The following CACNA2D1 variants were observed in gnomAD, a reference collection of about 807,000 sequenced individuals.
CACNA2D1 encodes voltage-dependent calcium channel subunit alpha-2/delta-1.
Under a neutral mutation model 171.5 loss-of-function variants are expected in CACNA2D1, and 53 were observed. The observed-to-expected ratio is 0.31, with a 90% confidence interval of 0.25 to 0.39. The LOEUF is 0.39. Among genes scored for constraint, CACNA2D1 ranks in the 10% least tolerant of loss-of-function variants. The pLI is 1.00. For missense variants in CACNA2D1, 903 were observed against 1,299.8 expected (o/e 0.69, Z 4.69); for synonymous variants, 442 against 443.1 (o/e 1.00, Z 0.03).
chr7:82,001,126 A>C (rs1798567657), intron 18 of CACNA2D1, among the ~76,000 whole-genome samples: 1 of 152,066 alleles, frequency 6.6e-6, no homozygotes, highest in Non-Finnish European at 1.5e-5. Context: ...CAAAAGGAAA[A>C]GCTTTCGCAA....
At chr7:82,363,254 C>CTCTTTTT (rs1821286522) in intron 1 of CACNA2D1, among the ~76,000 whole-genome samples, 2 of 63,420 alleles carry the variant, frequency 3.2e-5, no homozygotes, top group African/African-American at 8.4e-5. Context: ...TTATTTGTCT[C>CTCTTTTT]TTTTTTTTTT....
At chr7:82,058,668 GTTGAGAATATA>G (rs1357344490) in intron 10 of CACNA2D1, among the ~76,000 whole-genome samples, 1 of 152,102 alleles carries the variant, frequency 6.6e-6, no homozygotes, top group Non-Finnish European at 1.5e-5. Context: ...TTGAGAATAT[GTTGAGAATATA>G]GACAAGCTAA....
chr7:82,009,843 C>T (rs1274312906), intron 15 of CACNA2D1, among the ~76,000 whole-genome samples: 1 of 152,024 alleles, frequency 6.6e-6, no homozygotes, highest in East Asian at 1.9e-4. Context: ...GATTTCTCTA[C>T]CCTGGAATTT....
At chr7:82,241,797 A>C (rs1429318840) in intron 3 of CACNA2D1, among the ~76,000 whole-genome samples, 1 of 152,194 alleles carries the variant, frequency 6.6e-6, no homozygotes, top group African/African-American at 2.4e-5. Context: ...CTGTATCAAC[A>C]GTATTAATTT....
Position 82,021,513 on chromosome 7 carries a change from G to A in CACNA2D1, c.1144-7034C>T, listed in dbSNP as rs1279323539. Reference sequence around the variant, plus strand: ...AATTTTTCTAACATTTATGAATTTTGTATAGATTAGGAGCATATTTATTGC... The same window carrying A: ...AATTTTTCTAACATTTATGAATTTTATATAGATTAGGAGCATATTTATTGC... On this transcript the variant is annotated intron_variant, in intron 12 of 38. Transcript: ENST00000356860. Among the ~76,000 whole-genome samples, 3 of 151,946 alleles carry A rather than the reference G, an allele frequency of 2.0e-5. No individual in the cohort carries two copies. The East Asian group carries it at 5.8e-4, about 29-fold the overall frequency.
chr7:82,394,037 G>C (rs1825502398), intron 1 of CACNA2D1, among the ~76,000 whole-genome samples: 1 of 152,116 alleles, frequency 6.6e-6, no homozygotes, highest in Admixed American at 6.6e-5. Context: ...TATTGAGACT[G>C]TGCTGAGAAT....
intron 5 of CACNA2D1, among the ~76,000 whole-genome samples, chr7:82,119,138 G>A (rs1043923844): frequency 6.6e-6 from 1 of 152,056 alleles, no homozygotes; most frequent in East Asian, 1.9e-4. Context: ...TTCTCCCTCT[G>A]AAACAAAGAA....
intron 27 of CACNA2D1, 109 bp downstream of exon 27, chr7:81,970,565 CT>C: frequency 1.3e-6 from 1 of 752,474 alleles, no homozygotes; most frequent in Non-Finnish European, 2.5e-6. Context: ...CCAATGTAAT[CT>C]AATGGCAATC....
At position 82,023,487 on chromosome 7, in the gene CACNA2D1, A is replaced by T. The variant is rs1801503589; in HGVS notation, c.1144-9008T>A. On this transcript the variant is annotated intron_variant, in intron 12 of 38. Coordinates refer to ENST00000356860, the MANE Select transcript of CACNA2D1 (RefSeq NM_000722.4). The stretch of plus-strand genomic sequence containing the variant: ...AGGCCTACCTGGATTGCTCTGAAAG[A>T]TTTCTGATTCATCTAGATGAAATAT... 9.9e-5 allele frequency among the ~76,000 whole-genome samples: 15 copies of T among 151,852 alleles called. No homozygotes were observed. The South Asian group carries it at 2.9e-3, about 29-fold the overall frequency.
chr7:82,092,231 A>T lies in CACNA2D1; in HGVS notation c.527-7331T>A, dbSNP rs112123388. Among the ~76,000 whole-genome samples the T allele has an allele frequency of 6.3e-3, 958 of 152,360 alleles. 5 individuals carry two copies. Among genetic ancestry groups the T allele is most frequent in the Admixed American group, 0.012 (181 of 15,306 alleles). ...CCTAATTTATTTAAACACTCACATCATAAGATATTCTTCATTAGAATCAGC... is the reference window on the plus strand; with the variant it reads ...CCTAATTTATTTAAACACTCACATCTTAAGATATTCTTCATTAGAATCAGC... On this transcript the variant is annotated intron_variant, in intron 6 of 38. Transcript: ENST00000356860.
chr7:82,168,137 C>T (rs1795654984), intron 4 of CACNA2D1, among the ~76,000 whole-genome samples: 1 of 151,782 alleles, frequency 6.6e-6, no homozygotes, highest in Admixed American at 6.6e-5. Context: ...ATTTAAGTGG[C>T]TTTTTTGGTG....
At chr7:82,154,053 A>G (rs1794115328) in intron 4 of CACNA2D1, among the ~76,000 whole-genome samples, 2 of 152,150 alleles carry the variant, frequency 1.3e-5, no homozygotes, top group African/African-American at 4.8e-5. Context: ...TATGTGATGA[A>G]AAGGATAAAT....
rs1284657997 is a variant in CACNA2D1 at position 82,136,828 on chromosome 7, T to C, written c.355-152A>G. Reference sequence around the variant, plus strand: ...GATCCATAAGGATTAGCCACTATTTTTCCAGGAACATATTAAAACCGTTTA... The same window carrying C: ...GATCCATAAGGATTAGCCACTATTTCTCCAGGAACATATTAAAACCGTTTA... On this transcript the variant is annotated intron_variant, in intron 4 of 38. Coordinates refer to ENST00000356860, the MANE Select transcript of CACNA2D1 (RefSeq NM_000722.4). 4 of 623,046 alleles carry C rather than the reference T, an allele frequency of 6.4e-6. No individual in the cohort carries two copies. In the African/African-American group the frequency reaches 7.4e-5, roughly 11 times the overall value. 38.6% of individuals were successfully genotyped at this position (623,046 alleles called of 1,614,324 possible).
At chr7:82,301,730 TACACAC>T (rs4018910) in intron 3 of CACNA2D1, among the ~76,000 whole-genome samples, 5,349 of 142,140 alleles carry the variant, frequency 0.038, 124 homozygotes, top group Middle Eastern at 0.093. Flanking sequence ...TGGTAAATAA[TACACAC>T]ACACACACAC....
chr7:82,391,912 T>C (rs1825166218), intron 1 of CACNA2D1, among the ~76,000 whole-genome samples: 1 of 152,230 alleles, frequency 6.6e-6, no homozygotes, highest in Non-Finnish European at 1.5e-5. Flanking sequence ...TAAACTTTCC[T>C]ATTTCATTAA....
At chr7:82,355,835 TCC>T (rs1820360231) in intron 1 of CACNA2D1, among the ~76,000 whole-genome samples, 2 of 152,078 alleles carry the variant, frequency 1.3e-5, no homozygotes, top group South Asian at 2.1e-4. Context: ...ATATATAATC[TCC>T]ATATATAATC....
chr7:82,082,679 C>T (rs903442717), intron 7 of CACNA2D1, among the ~76,000 whole-genome samples: 2 of 150,940 alleles, frequency 1.3e-5, no homozygotes, highest in African/African-American at 4.9e-5. Context: ...CCGTCTTCTG[C>T]TTGAAAGTAA....
chr7:82,371,041 G>C (rs16887238), intron 1 of CACNA2D1, among the ~76,000 whole-genome samples: 6,560 of 152,198 alleles, frequency 0.043, 385 homozygotes, highest in African/African-American at 0.13. Context: ...AAAGACACAT[G>C]TGAACTGTTA....
chr7:82,131,621 T>C (rs960908585), intron 5 of CACNA2D1, among the ~76,000 whole-genome samples: 27 of 152,202 alleles, frequency 1.8e-4, no homozygotes, highest in Admixed American at 7.2e-4. Flanking sequence ...TCCCAGCAGT[T>C]AGTATGCCAA....
Sources: gnomAD v4.1 joint callset for allele counts (sites outside exome capture counted in the v4.1 genomes callset) on GRCh38, gnomAD v4.1.1 for gene constraint, MANE v1.5 for transcripts, NCBI Gene and HGNC (gene_info 2026-07-23, HGNC 2026-07-21) for gene names.